The following ARHGAP4 variants were observed in gnomAD, a reference collection of about 807,000 sequenced individuals.
ARHGAP4 encodes the protein Rho GTPase activating protein 4.
Under a neutral mutation model 67.6 loss-of-function variants are expected in ARHGAP4, and 25 were observed. That is an observed-to-expected ratio of 0.37 (90% CI 0.27 to 0.52). ARHGAP4 has a LOEUF of 0.52. ARHGAP4 is among the 20% of genes least tolerant of loss of function. The probability of loss-of-function intolerance (pLI) is 0.92; values close to 1 mark genes in which losing one functional copy is unlikely to be tolerated. For synonymous variants in ARHGAP4, 448 were observed against 373.7 expected (o/e 1.20, Z -2.29); for missense variants, 804 against 854.6 (o/e 0.94, Z 0.74).
In ARHGAP4 at chrX:153,913,199, G is replaced by A. The variant is rs1569545901; in HGVS notation, c.1411+19C>T. 1.7e-6 allele frequency: 2 copies of A among 1,166,981 alleles called. No homozygotes were observed. Among genetic ancestry groups the A allele is most frequent in the East Asian group, 3.2e-5 (1 of 30,849 alleles). ...CCTGGGCAGGGGAGAGGCGGGGAAGGGGGCAGCACTGGGCCCACCTCGCTG... is the reference window on the plus strand; with the variant it reads ...CCTGGGCAGGGGAGAGGCGGGGAAGAGGGCAGCACTGGGCCCACCTCGCTG... On this transcript the variant is annotated intron_variant, in intron 10 of 21. Transcript: ENST00000350060.
In ARHGAP4 at chrX:153,913,391, C is replaced by T. The variant is rs1557103750; in HGVS notation, c.1326+18G>A. On this transcript the variant is annotated intron_variant, in intron 9 of 21. Transcript: ENST00000350060. ...CAATGCCCCCACGGGTCCCGCCCAC[C>T]AGCCCAGCCCTCCCCACCGTGAGGT... The T allele has an allele frequency of 1.7e-6, 2 of 1,206,687 alleles. No homozygotes were observed. The highest frequency in any genetic ancestry group is 3.5e-5 in the African/African-American group (2 of 57,378).
intron 5 of ARHGAP4, chrX:153,919,543 T>C (rs781873911): frequency 4.8e-5 from 55 of 1,142,007 alleles, no homozygotes; most frequent in Non-Finnish European, 6.1e-5. Context: ...AAGTGGGGGA[T>C]GACACAGAAC....
At position 153,907,468 on chromosome X, in the gene ARHGAP4, C is replaced by A. The variant is rs988984255; in HGVS notation, c.*261G>T. On this transcript the variant is annotated 3_prime_UTR_variant, in exon 22 of 22. Coordinates refer to ENST00000350060, the MANE Select transcript of ARHGAP4 (RefSeq NM_001666.5). Reference sequence around the variant, plus strand: ...CCGCCACCCAGCAGCCACTGATCAGCCTTCCACAAAGCTGCAGAAGAGGGC... The same window carrying A: ...CCGCCACCCAGCAGCCACTGATCAGACTTCCACAAAGCTGCAGAAGAGGGC... 2 of 359,092 alleles carry A rather than the reference C, an allele frequency of 5.6e-6. No homozygotes were observed. The highest frequency in any genetic ancestry group is 5.1e-5 in the African/African-American group (2 of 39,188). The allele number at this position is 359,092 out of a possible 1,213,427, so 29.6% of individuals were successfully genotyped here.
In ARHGAP4 at chrX:153,926,053, G is replaced by A. The variant is rs1440858139; in HGVS notation, c.67+83C>T. The A allele has an allele frequency of 3.5e-6, 4 of 1,131,006 alleles. No homozygotes were observed. The African/African-American group carries it at 5.6e-5, about 16-fold the overall frequency. 93.2% of individuals were successfully genotyped at this position (1,131,006 alleles called of 1,213,427 possible). On this transcript the variant is annotated intron_variant, in intron 1 of 21. Coordinates refer to ENST00000350060, the MANE Select transcript of ARHGAP4 (RefSeq NM_001666.5). The stretch of plus-strand genomic sequence containing the variant: ...CGCTGGGGAGAGCATCGGGCCCTGG[G>A]CCAGCGCGGGGACGCTTGGAGCTCC...
chrX:153,925,811 TC>T (rs782102145), intron 1 of ARHGAP4, among the ~76,000 whole-genome samples: 2 of 113,081 alleles, frequency 1.8e-5, no homozygotes, highest in East Asian at 5.6e-4. Context: ...AATACTGCCT[TC>T]TGAGGGGCAC....
At chrX:153,914,256 AGAG>A (rs1603285738) in intron 7 of ARHGAP4, 3 of 225,824 alleles carry the variant, frequency 1.3e-5, no homozygotes, top group Non-Finnish European at 2.4e-5. Context: ...GTGGGGCTGG[AGAG>A]GAGAACGGGG....
In ARHGAP4 at chrX:153,910,034, G is replaced by A. The variant is rs202030698; in HGVS notation, c.2208C>T (p.Ala736=). ...CACCATCCTCCTGTGCGGGCATCTC[G>A]GCTTCCAGCTCCGGCTCATTGTCCG... ...LGADNEPELE[A]EMPAQEDDLE... The change falls in exon 18 of 22, where the codon GCC becomes GCT. Residue 736 remains alanine, a synonymous_variant. Coordinates refer to ENST00000350060, the MANE Select transcript of ARHGAP4 (RefSeq NM_001666.5). The A allele has an allele frequency of 1.7e-4, 202 of 1,209,964 alleles. No individual in the cohort carries two copies. The East Asian group carries it at 3.8e-3, about 23-fold the overall frequency.
chrX:153,911,108 G>T, intron 13 of ARHGAP4, 21 bp downstream of exon 13: 1 of 1,168,397 alleles, frequency 8.6e-7, no homozygotes. Context: ...AGGACATCGG[G>T]AGGGGCTGGG....
At chrX:153,908,520 GT>G (rs1456230892) in intron 21 of ARHGAP4, among the ~76,000 whole-genome samples, 4 of 111,737 alleles carry the variant, frequency 3.6e-5, no homozygotes, top group African/African-American at 1.3e-4. Flanking sequence ...ACGGAGCAGG[GT>G]CCCCCAGGTT....
At chrX:153,918,688 A>C (rs781886307) in intron 7 of ARHGAP4, 144 bp downstream of exon 7, 13 of 650,999 alleles carry the variant, frequency 2.0e-5, no homozygotes, top group Non-Finnish European at 3.1e-5. Context: ...CTGCAAATGG[A>C]AGTGGGACAC....
intron 9 of ARHGAP4, 49 bp from the exon 10 acceptor site, chrX:153,913,351 CT>C: frequency 8.3e-7 from 1 of 1,205,434 alleles, no homozygotes; most frequent in South Asian, 1.8e-5. Context: ...GCTTGAGCCC[CT>C]CCCTCTGCCC....
chrX:153,910,340 T>C lies in ARHGAP4; in HGVS notation c.1987A>G (p.Thr663Ala). 1 of 1,208,215 alleles carries C rather than the reference T, an allele frequency of 8.3e-7. No homozygotes were observed. ...PYNLAVCFGPTLLPVPAGQDP... is the reference protein window; with the variant it reads ...PYNLAVCFGPALLPVPAGQDP... Reference sequence around the variant, plus strand: ...TGCCCAGCGGGCACCGGTAGCAGCGTGGGCCCGAAGCACACGGCCAGGTTG... The same window carrying C: ...TGCCCAGCGGGCACCGGTAGCAGCGCGGGCCCGAAGCACACGGCCAGGTTG... The change falls in exon 17 of 22, where the codon ACG (threonine) becomes GCG (alanine). Residue 663 changes from threonine to alanine, a missense_variant. Physicochemically the swap from Thr to Ala is moderately conservative, Grantham distance 58. Around this residue, in one of 2 missense-constraint regions of ARHGAP4, gnomAD observed 400 missense variants for 348.7 expected, o/e 1.15. Transcript: ENST00000350060.
In ARHGAP4 at chrX:153,909,168, G is replaced by C. The variant is rs781857099; in HGVS notation, c.2509C>G (p.Pro837Ala). 3 of 1,201,931 alleles carry C rather than the reference G, an allele frequency of 2.5e-6. No homozygotes were observed. The highest frequency in any genetic ancestry group is 3.4e-6 in the Non-Finnish European group (3 of 890,309). Residue 837 changes from proline to alanine, a missense_variant and splice_region_variant, in exon 21 of 22, where the codon CCA (proline) becomes GCA (alanine). Pro to Ala is a conservative substitution (Grantham distance 27, BLOSUM62 -1). This residue lies in a region of ARHGAP4 where 400 missense variants were observed against 348.7 expected (regional missense o/e 1.15). Transcript: ENST00000350060. ...GCCTCAGGTGAGGTGCATGGCTCTG[G>C]CCTGCAGGACAGACAGGGAGCCTGG... ...GLLASELVHR[P>A]EPCTSPEAMG...
chrX:153,913,991 G>T, intron 7 of ARHGAP4, 112 bp from the exon 8 acceptor site: 1 of 624,315 alleles, frequency 1.6e-6, no homozygotes, highest in Non-Finnish European at 2.5e-6. Context: ...GCCGGGCACA[G>T]GACCACCAGC....
Position 153,907,407 on chromosome X carries a change from G to A in ARHGAP4, c.*322C>T, listed in dbSNP as rs181925621. On this transcript the variant is annotated 3_prime_UTR_variant, in exon 22 of 22. Coordinates refer to ENST00000350060, the MANE Select transcript of ARHGAP4 (RefSeq NM_001666.5). ...AATCAACACGAGGTCTTTATGAATC[G>A]CCACCCAGCCCTGCCAGGCATCTGA... 622 of 296,351 alleles carry A rather than the reference G, an allele frequency of 2.1e-3. 4 individuals carry two copies. The highest frequency in any genetic ancestry group is 4.9e-3 in the East Asian group (70 of 14,413). 24.4% of individuals were successfully genotyped at this position (296,351 alleles called of 1,213,427 possible). A position where few individuals can be genotyped will look rare whatever the true frequency, so the allele number is the denominator to read the frequency against.
chrX:153,910,820 C>G lies in ARHGAP4; in HGVS notation c.1696G>C (p.Val566Leu). Reference protein sequence around the residue: ...DAFERGEDPLVEGCTAHDLDS... With the variant: ...DAFERGEDPLLEGCTAHDLDS... ...AGGTCATGGGCAGTGCAGCCCTCCA[C>G]CAGTGGGTCCTCCCCTGCAGATGGG... Residue 566 changes from valine (V) to leucine (L), a missense_variant, in exon 15 of 22, where the codon GTG (valine) becomes CTG (leucine). By Grantham distance (32) the Val-to-Leu change is conservative. Around this residue, in one of 2 missense-constraint regions of ARHGAP4, gnomAD observed 404 missense variants for 505.9 expected, o/e 0.80. Transcript: ENST00000350060. 1.7e-6 allele frequency: 2 copies of G among 1,190,231 alleles called. No homozygotes were observed. Among genetic ancestry groups the G allele is most frequent in the Non-Finnish European group, 2.3e-6 (2 of 883,669 alleles).
intron 21 of ARHGAP4, among the ~76,000 whole-genome samples, chrX:153,908,352 G>A (rs1224868648): frequency 8.9e-6 from 1 of 111,828 alleles, no homozygotes; most frequent in Non-Finnish European, 1.9e-5. Flanking sequence ...CTGCTCCTCC[G>A]TGTCTACCGG....
chrX:153,926,168 C>T lies in ARHGAP4; in HGVS notation c.35G>A (p.Gly12Glu). ...AAHGKLRRER[G>E]LQAEYETQVK... ...TTGCGTCTCATACTCAGCCTGCAGC[C>T]CCCGCTCCCGCCGCAGCTTCCCGTG... The change falls in exon 1 of 22, where the codon GGG (glycine) becomes GAG (glutamate). Residue 12 changes from glycine to glutamate, a missense_variant. Transcript: ENST00000350060. The T allele has an allele frequency of 1.7e-6, 2 of 1,203,961 alleles. No individual in the cohort carries two copies. Among genetic ancestry groups the T allele is most frequent in the South Asian group, 1.8e-5 (1 of 56,481 alleles).
rs782341916 is a variant in ARHGAP4, at chrX:153,912,787, C to A, written c.1455G>T (p.Gln485His). The change falls in exon 12 of 22, where the codon CAG (glutamine) becomes CAT (histidine). Residue 485 changes from glutamine to histidine, a missense_variant. This residue lies in a region of ARHGAP4 where 404 missense variants were observed against 505.9 expected (regional missense o/e 0.80). Coordinates refer to ENST00000350060, the MANE Select transcript of ARHGAP4 (RefSeq NM_001666.5). ...EQEVSWTQYT[Q>H]RKFQKSRQPR... Reference sequence around the variant, plus strand: ...GCTGGCGGCTCTTCTGGAATTTTCTCTGTGTGTACTGGGTCCTGCAGTGAA... The same window carrying A: ...GCTGGCGGCTCTTCTGGAATTTTCTATGTGTGTACTGGGTCCTGCAGTGAA... The A allele has an allele frequency of 6.6e-6, 8 of 1,208,778 alleles. No homozygotes were observed. In the Admixed American group the frequency reaches 1.3e-4, roughly 20 times the overall value.
Sources: allele counts gnomAD v4.1 joint callset (sites outside exome capture counted in the v4.1 genomes callset), GRCh38; gene constraint gnomAD v4.1.1; regional missense constraint gnomAD v4.1.1; transcripts MANE v1.5; gene names NCBI Gene and HGNC (gene_info 2026-07-23, HGNC 2026-07-21).